The following GNB5 variants were observed in gnomAD, a reference collection of about 807,000 sequenced individuals.
GNB5 encodes the protein G protein subunit beta 5, also known as guanine nucleotide-binding protein subunit beta-5.
A neutral mutation model predicts 55.3 loss-of-function variants in GNB5; 37 were observed. The ratio of observed to expected loss-of-function variants is 0.67; its 90% confidence interval spans 0.51 to 0.88. The LOEUF (loss-of-function observed/expected upper bound fraction) is 0.88, where lower values mean the gene tolerates loss of function less well. Ranked by LOEUF, GNB5 falls within the 40% of genes least tolerant of loss-of-function variation. The pLI, the probability that GNB5 is intolerant of heterozygous loss-of-function variation, is 0.00. For synonymous variants in GNB5, 219 were observed against 198.5 expected (o/e 1.10, Z -0.87); for missense variants, 476 against 515.3 (o/e 0.92, Z 0.74).
intron 3 of GNB5, among the ~76,000 whole-genome samples, chr15:52,161,363 T>A (rs946040472): frequency 6.6e-6 from 1 of 152,146 alleles, no homozygotes; most frequent in East Asian, 1.9e-4. Flanking sequence ...AGTGGCGTGA[T>A]CTTGGCTCAC....
intron 8 of GNB5, among the ~76,000 whole-genome samples, chr15:52,134,227 G>T (rs2033645281): frequency 6.6e-6 from 1 of 152,188 alleles, no homozygotes; most frequent in Non-Finnish European, 1.5e-5. Context: ...CCTGCAGAGT[G>T]GTCATGTTAT....
chr15:52,167,809 C>G (rs1414346310), intron 3 of GNB5, among the ~76,000 whole-genome samples: 3 of 152,104 alleles, frequency 2.0e-5, no homozygotes, highest in African/African-American at 7.2e-5. Flanking sequence ...CCAACACTAT[C>G]AAGTTGGATT....
At chr15:52,169,220 T>G (rs2034506934) in intron 3 of GNB5, among the ~76,000 whole-genome samples, 1 of 151,132 alleles carries the variant, frequency 6.6e-6, no homozygotes, top group Non-Finnish European at 1.5e-5. Flanking sequence ...CTTGGGAGGC[T>G]GAGGCACTTG....
At chr15:52,168,604 T>C (rs115695031) in intron 3 of GNB5, among the ~76,000 whole-genome samples, 1,537 of 152,174 alleles carry the variant, frequency 0.01, 28 homozygotes, top group African/African-American at 0.035. Flanking sequence ...CTTCATAGAA[T>C]AGGAAAAAAA....
At chr15:52,165,667 C>G (rs2034436199) in intron 3 of GNB5, among the ~76,000 whole-genome samples, 2 of 152,114 alleles carry the variant, frequency 1.3e-5, no homozygotes, top group South Asian at 4.2e-4. Context: ...TTTATCACCA[C>G]CAGGCCTGCC....
intron 9 of GNB5, among the ~76,000 whole-genome samples, chr15:52,131,144 G>A (rs1451892148): frequency 6.6e-6 from 1 of 152,164 alleles, no homozygotes; most frequent in Admixed American, 6.6e-5. Flanking sequence ...GCATTTTAAA[G>A]CTGTACATTG....
chr15:52,163,471 C>T (rs1175150124), intron 3 of GNB5, among the ~76,000 whole-genome samples: 1 of 152,218 alleles, frequency 6.6e-6, no homozygotes, highest in African/African-American at 2.4e-5. Context: ...TGGAGACGGC[C>T]TGAGACGACC....
At position 52,117,102 on chromosome 15, in the gene GNB5, A is replaced by ATATATTTTTTTTTTTTTTTTTTTTTTT; in HGVS notation, c.*5654_*5655insAAAAAAAAAAAAAAAAAAAAAAATATA. The ATATATTTTTTTTTTTTTTTTTTTTTTT allele has an allele frequency of 2.3e-5, 2 of 87,102 alleles. No homozygotes were observed. The highest frequency in any genetic ancestry group is 6.1e-5 in the African/African-American group (1 of 16,420). 5.4% of individuals were successfully genotyped at this position (87,102 alleles called of 1,614,324 possible). ...CCACGCCCAGCTAATATATATATAT[A>ATATATTTTTTTTTTTTTTTTTTTTTTT]TTTTTTTTTAGTACAGACAGGGTTT... On this transcript the variant is annotated 3_prime_UTR_variant, in exon 13 of 13. Coordinates refer to ENST00000261837, the MANE Select transcript of GNB5 (RefSeq NM_016194.4).
chr15:52,182,361 T>C (rs2034784114), intron 2 of GNB5, among the ~76,000 whole-genome samples: 1 of 152,144 alleles, frequency 6.6e-6, no homozygotes, highest in African/African-American at 2.4e-5. Context: ...CGTTGCAGGA[T>C]GTGTGTGTGG....
At chr15:52,158,408 A>G (rs978841073) in intron 3 of GNB5, among the ~76,000 whole-genome samples, 7 of 152,204 alleles carry the variant, frequency 4.6e-5, no homozygotes, top group African/African-American at 1.7e-4. Context: ...AATAAATGAA[A>G]TGCTTAGTAT....
chr15:52,170,967 G>A (rs868344688), intron 3 of GNB5, among the ~76,000 whole-genome samples: 3 of 151,608 alleles, frequency 2.0e-5, no homozygotes, highest in Admixed American at 6.6e-5. Context: ...GGTGGTGTGC[G>A]ACTATAATCC....
intron 2 of GNB5, among the ~76,000 whole-genome samples, chr15:52,183,562 T>C (rs1209482938): frequency 6.6e-6 from 1 of 152,234 alleles, no homozygotes; most frequent in Non-Finnish European, 1.5e-5. Context: ...TAATTTTTAA[T>C]GTAATCATGG....
chr15:52,155,473 C>T (rs2034188820), intron 3 of GNB5, among the ~76,000 whole-genome samples: 1 of 152,188 alleles, frequency 6.6e-6, no homozygotes, highest in African/African-American at 2.4e-5. Flanking sequence ...AATGAACTCT[C>T]TTAAATAACC....
chr15:52,149,156 T>A (rs956801799), intron 5 of GNB5: 2 of 152,338 alleles, frequency 1.3e-5, no homozygotes, highest in Non-Finnish European at 2.9e-5. Flanking sequence ...CTGCTTCCCA[T>A]GACACTGACT....
chr15:52,131,172 A>G (rs759751092), intron 9 of GNB5, among the ~76,000 whole-genome samples: 2 of 152,232 alleles, frequency 1.3e-5, no homozygotes, highest in Non-Finnish European at 2.9e-5. Flanking sequence ...ATAGCCATGG[A>G]TTCCACACTC....
chr15:52,156,992 G>A (rs958797121), intron 3 of GNB5, among the ~76,000 whole-genome samples: 16 of 149,478 alleles, frequency 1.1e-4, no homozygotes, highest in African/African-American at 3.5e-4. Flanking sequence ...CTGGAGTGCA[G>A]TGGCGGGATC....
chr15:52,147,347 G>A (rs1467602690), intron 6 of GNB5, 112 bp downstream of exon 6: 1 of 751,184 alleles, frequency 1.3e-6, no homozygotes, highest in East Asian at 2.7e-5. Flanking sequence ...TTAGCATACT[G>A]CTAAACAATT....
chr15:52,169,210 C>T (rs1177789217), intron 3 of GNB5, among the ~76,000 whole-genome samples: 2 of 150,998 alleles, frequency 1.3e-5, no homozygotes, highest in Non-Finnish European at 2.9e-5. Flanking sequence ...GTCCCAGCTA[C>T]TTGGGAGGCT....
chr15:52,161,570 G>A (rs2034333866), intron 3 of GNB5, among the ~76,000 whole-genome samples: 1 of 152,184 alleles, frequency 6.6e-6, no homozygotes, highest in African/African-American at 2.4e-5. Context: ...CAAAGGGCTG[G>A]GATTACAGGT....
Sources: allele counts gnomAD v4.1 joint callset (sites outside exome capture counted in the v4.1 genomes callset), GRCh38; gene constraint gnomAD v4.1.1; transcripts MANE v1.5; gene names NCBI Gene and HGNC (gene_info 2026-07-23, HGNC 2026-07-21).